Variants in DPY19L1 observed in about 807,000 individuals in gnomAD.
DPY19L1 encodes the protein dpy-19 like C-mannosyltransferase 1, also known as protein C-mannosyl-transferase DPY19L1.
DPY19L1 carries 35 observed loss-of-function variants against 96.9 expected under a neutral mutation model. The ratio of observed to expected loss-of-function variants is 0.36; its 90% CI spans 0.28 to 0.48. The LOEUF (loss-of-function observed/expected upper bound fraction) is 0.48, where lower values mean the gene tolerates loss of function less well. Among genes scored for constraint, DPY19L1 ranks in the 20% least tolerant of loss-of-function variants. The pLI is 0.99. For synonymous variants in DPY19L1, 205 were observed against 252.6 expected (o/e 0.81, Z 1.79); for missense variants, 521 against 777.9 (o/e 0.67, Z 3.93).
intron 7 of DPY19L1, among the ~76,000 whole-genome samples, chr7:34,983,643 C>T (rs893755994): frequency 7.6e-5 from 11 of 145,268 alleles, no homozygotes; most frequent in African/African-American, 2.6e-4. Context: ...CTATACATGG[C>T]AAGAGAAAAT....
At chr7:34,961,614 G>C (rs1453466115) in intron 10 of DPY19L1, among the ~76,000 whole-genome samples, 7 of 151,972 alleles carry the variant, frequency 4.6e-5, no homozygotes, top group Admixed American at 6.6e-5. Flanking sequence ...AAAGAACAAA[G>C]GTACAATTTA....
chr7:34,975,968 C>G (rs1032444159), intron 7 of DPY19L1, among the ~76,000 whole-genome samples: 1 of 152,170 alleles, frequency 6.6e-6, no homozygotes, highest in African/African-American at 2.4e-5. Flanking sequence ...TACACAAGTG[C>G]TCGGGTGGAG....
At chr7:34,932,792 A>T (rs1423957922) in intron 21 of DPY19L1, among the ~76,000 whole-genome samples, 4 of 152,224 alleles carry the variant, frequency 2.6e-5, no homozygotes, top group African/African-American at 7.2e-5. Context: ...GAGGAATTTT[A>T]AAAAACAGAA....
At chr7:34,999,464 C>T (rs1411402772) in intron 6 of DPY19L1, among the ~76,000 whole-genome samples, 1 of 152,100 alleles carries the variant, frequency 6.6e-6, no homozygotes, top group African/African-American at 2.4e-5. Context: ...GGATATGATC[C>T]TCAAAAGGAT....
At chr7:34,938,223 T>A (rs1783914865) in intron 20 of DPY19L1, 104 bp from the exon 21 acceptor site, 2 of 1,295,878 alleles carry the variant, frequency 1.5e-6, no homozygotes, top group African/African-American at 3.0e-5. Flanking sequence ...TGAAGAAGAA[T>A]CCAGTCAGGA....
intron 7 of DPY19L1, among the ~76,000 whole-genome samples, chr7:34,974,369 C>T (rs975168239): frequency 3.9e-5 from 6 of 152,280 alleles, no homozygotes; most frequent in African/African-American, 9.6e-5. Context: ...AATGCAAGCA[C>T]GGGTACCTAA....
At chr7:34,938,474 C>G (rs1463373170) in intron 20 of DPY19L1, among the ~76,000 whole-genome samples, 1 of 152,186 alleles carries the variant, frequency 6.6e-6, no homozygotes, top group East Asian at 1.9e-4. Context: ...AACTATAGGA[C>G]TACTGTGAAG....
chr7:34,964,983 C>T (rs1002059313), intron 10 of DPY19L1, among the ~76,000 whole-genome samples: 7 of 152,134 alleles, frequency 4.6e-5, no homozygotes, highest in African/African-American at 1.7e-4. Context: ...TACCATTTTA[C>T]ACGAACCAGA....
chr7:34,990,541 G>T (rs1296258191), intron 6 of DPY19L1, among the ~76,000 whole-genome samples: 2 of 152,150 alleles, frequency 1.3e-5, no homozygotes, highest in Non-Finnish European at 2.9e-5. Context: ...TGTTTCATTT[G>T]ATTTCAAAAA....
chr7:35,037,008 G>C (rs1786424477), intron 1 of DPY19L1, 89 bp downstream of exon 1: 2 of 133,058 alleles, frequency 1.5e-5, no homozygotes, highest in South Asian at 5.0e-4. Context: ...AGCGGGAGGA[G>C]AGGGGAAGGA....
intron 10 of DPY19L1, among the ~76,000 whole-genome samples, chr7:34,959,023 G>C (rs1404648483): frequency 6.7e-6 from 1 of 148,600 alleles, no homozygotes; most frequent in Non-Finnish European, 1.5e-5. Flanking sequence ...AAATTTACAA[G>C]AAAAAAAAAA....
rs184677920 is a variant in DPY19L1, at chr7:34,944,660, T to G, written c.1544+1007A>C. Reference sequence around the variant, plus strand: ...TATACTGGACCTATTTCCAGAAAGATAGCCTAACATTCCACTCTATGTATC... The same window carrying G: ...TATACTGGACCTATTTCCAGAAAGAGAGCCTAACATTCCACTCTATGTATC... On this transcript the variant is annotated intron_variant, in intron 16 of 21. Transcript: ENST00000638088. 2.6e-3 allele frequency among the ~76,000 whole-genome samples: 402 copies of G among 152,324 alleles called. 1 individual carries two copies. Among genetic ancestry groups the G allele is most frequent in the African/African-American group, 9.0e-3 (376 of 41,570 alleles).
At position 34,940,313 on chromosome 7, in the gene DPY19L1, G is replaced by T; in HGVS notation, c.1704C>A (p.Leu568=). Residue 568 remains leucine, a synonymous_variant, in exon 19 of 22, where the codon CTC becomes CTA. Transcript: ENST00000638088. Reference sequence around the variant, plus strand: ...TAGCACCAGGATGTACTTTGCAAAAGAGCCATCCAAATAGCTGAAACCAAA... The same window carrying T: ...TAGCACCAGGATGTACTTTGCAAAATAGCCATCCAAATAGCTGAAACCAAA... ...LICSRQLFGW[L]FCKVHPGAIV... 3.7e-6 allele frequency: 6 copies of T among 1,607,166 alleles called. No homozygotes were observed. The highest frequency in any genetic ancestry group is 5.1e-6 in the Non-Finnish European group (6 of 1,178,410).
chr7:34,945,766 A>T, intron 15 of DPY19L1, 50 bp from the exon 16 acceptor site: 1 of 1,257,570 alleles, frequency 8.0e-7, no homozygotes, highest in Non-Finnish European at 1.1e-6. Context: ...GGGAAAAATG[A>T]TATTTTAAAT....
intron 7 of DPY19L1, among the ~76,000 whole-genome samples, chr7:34,989,482 G>A (rs1228207789): frequency 6.6e-6 from 1 of 152,064 alleles, no homozygotes; most frequent in Non-Finnish European, 1.5e-5. Flanking sequence ...TGAGTGTGGT[G>A]ATAAGCGTCT....
intron 6 of DPY19L1, chr7:35,000,391 AC>A (rs1785397517): frequency 6.6e-6 from 1 of 152,224 alleles, no homozygotes; most frequent in African/African-American, 2.4e-5. Context: ...CAGTCATCTT[AC>A]CTGGAGAATG....
In DPY19L1 at chr7:35,017,351, C is replaced by T. The variant is rs189174614; in HGVS notation, c.411+531G>A. On this transcript the variant is annotated intron_variant, in intron 3 of 21. Transcript: ENST00000638088. ...TACTAAAAAAATACAAAAAATTAGC[C>T]GGGCGCGGTGGCGGGCGCCTGTAGT... Among the ~76,000 whole-genome samples the T allele has an allele frequency of 4.2e-3, 635 of 151,482 alleles. 1 individual carries two copies. The highest frequency in any genetic ancestry group is 7.4e-3 in the Non-Finnish European group (504 of 67,830).
intron 3 of DPY19L1, among the ~76,000 whole-genome samples, chr7:35,017,529 G>A (rs1381706816): frequency 2.4e-4 from 21 of 86,268 alleles, no homozygotes; most frequent in African/African-American, 7.2e-4. Context: ...AAAATTAGCC[G>A]GGCATGGTGG....
intron 7 of DPY19L1, among the ~76,000 whole-genome samples, chr7:34,977,265 G>C (rs1396854908): frequency 6.6e-6 from 1 of 152,134 alleles, no homozygotes; most frequent in Non-Finnish European, 1.5e-5. Flanking sequence ...AAAGTCATCA[G>C]TCTCTGTACA....
Sources: allele counts gnomAD v4.1 joint callset (sites outside exome capture counted in the v4.1 genomes callset), GRCh38; gene constraint gnomAD v4.1.1; transcripts MANE v1.5; gene names NCBI Gene and HGNC (gene_info 2026-07-23, HGNC 2026-07-21).